The following PSD3 variants were observed in gnomAD, a reference collection of about 807,000 sequenced individuals.
PSD3 encodes the protein PH and SEC7 domain-containing protein 3.
A neutral mutation model predicts 105.5 loss-of-function variants in PSD3; 49 were observed. The ratio of observed to expected loss-of-function variants is 0.46; its 90% CI spans 0.37 to 0.59. PSD3 has a LOEUF of 0.59. Among genes scored for constraint, PSD3 ranks in the 20% least tolerant of loss-of-function variants. The probability of loss-of-function intolerance (pLI) is 0.00; values close to 1 mark genes in which losing one functional copy is unlikely to be tolerated. For missense variants in PSD3, 1,561 were observed against 1,263.8 expected (o/e 1.24, Z -3.57); for synonymous variants, 557 against 457.8 (o/e 1.22, Z -2.77).
chr8:18,542,343 A>T (rs1585203871), intron 15 of PSD3, among the ~76,000 whole-genome samples: 1 of 152,194 alleles, frequency 6.6e-6, no homozygotes, highest in East Asian at 1.9e-4. Flanking sequence ...GAGCTCATTT[A>T]CCTTTGGATA....
intron 15 of PSD3, among the ~76,000 whole-genome samples, chr8:18,539,181 G>A (rs954940161): frequency 2.7e-4 from 41 of 152,200 alleles, no homozygotes; most frequent in Non-Finnish European, 4.8e-4. Flanking sequence ...TTTTAGCCAA[G>A]TATCTCTAGG....
intron 2 of PSD3, among the ~76,000 whole-genome samples, chr8:18,919,885 G>A (rs1264185297): frequency 6.7e-6 from 1 of 150,168 alleles, no homozygotes; most frequent in Non-Finnish European, 1.5e-5. Context: ...AGCATTGGGA[G>A]ATATACCTAA....
intron 2 of PSD3, among the ~76,000 whole-genome samples, chr8:18,886,194 G>GA (rs895793080): frequency 1.2e-4 from 17 of 146,934 alleles, no homozygotes; most frequent in East Asian, 7.9e-4. Flanking sequence ...AGCTTGTGGG[G>GA]AAAAAAAAAA....
chr8:18,690,580 G>T (rs1366486366), intron 9 of PSD3, among the ~76,000 whole-genome samples: 2 of 152,132 alleles, frequency 1.3e-5, no homozygotes, highest in African/African-American at 2.4e-5. Context: ...AGATGGTCCA[G>T]CCACATGAGG....
chr8:19,029,251 A>G (rs1223417279), intron 1 of PSD3, among the ~76,000 whole-genome samples: 1 of 152,174 alleles, frequency 6.6e-6, no homozygotes, highest in Non-Finnish European at 1.5e-5. Flanking sequence ...GCTTGGAGGG[A>G]ATTGAAAATC....
chr8:19,030,136 A>G (rs1225762418), intron 1 of PSD3, among the ~76,000 whole-genome samples: 1 of 152,182 alleles, frequency 6.6e-6, no homozygotes, highest in Non-Finnish European at 1.5e-5. Context: ...GAGTTGAAGA[A>G]GTTCCTGTCC....
chr8:18,688,480 C>G (rs897075368), intron 9 of PSD3, among the ~76,000 whole-genome samples: 4 of 152,158 alleles, frequency 2.6e-5, no homozygotes, highest in African/African-American at 9.7e-5. Context: ...TTGTTAATAG[C>G]AGCATAGTAT....
intron 11 of PSD3, among the ~76,000 whole-genome samples, chr8:18,622,409 G>A (rs776573753): frequency 1.3e-5 from 2 of 152,022 alleles, no homozygotes; most frequent in African/African-American, 2.4e-5. Flanking sequence ...TGTCATAATA[G>A]GCTGTAAACA....
At chr8:18,581,803 G>A (rs1802835487) in intron 12 of PSD3, among the ~76,000 whole-genome samples, 1 of 152,144 alleles carries the variant, frequency 6.6e-6, no homozygotes, top group Non-Finnish European at 1.5e-5. Context: ...TTCTCACATA[G>A]CTCCCAACAT....
intron 1 of PSD3, among the ~76,000 whole-genome samples, chr8:19,058,813 G>A (rs959164550): frequency 2.6e-5 from 4 of 152,164 alleles, no homozygotes; most frequent in Non-Finnish European, 5.9e-5. Flanking sequence ...GAGCCATCAC[G>A]TGGAGCACCT....
intron 14 of PSD3, among the ~76,000 whole-genome samples, chr8:18,563,065 G>A (rs1414921133): frequency 6.6e-6 from 1 of 152,118 alleles, no homozygotes; most frequent in Admixed American, 6.6e-5. Context: ...CTTTGTGTGA[G>A]TTTTATCTCC....
chr8:19,035,572 G>A (rs1176687728), intron 1 of PSD3, among the ~76,000 whole-genome samples: 1 of 151,906 alleles, frequency 6.6e-6, no homozygotes, highest in Non-Finnish European at 1.5e-5. Context: ...TTTAAAGGCA[G>A]GTTCTTGTTA....
At chr8:18,649,872 A>C (rs1274511207) in intron 10 of PSD3, among the ~76,000 whole-genome samples, 1 of 151,978 alleles carries the variant, frequency 6.6e-6, no homozygotes, top group Non-Finnish European at 1.5e-5. Flanking sequence ...TGAAGTGCTG[A>C]CTCCCTCTTT....
chr8:18,780,134 T>A (rs1321488843), intron 8 of PSD3, among the ~76,000 whole-genome samples: 3 of 152,188 alleles, frequency 2.0e-5, no homozygotes, highest in Admixed American at 1.3e-4. Flanking sequence ...TTAGAATTGT[T>A]TAATCTTCTT....
intron 1 of PSD3, among the ~76,000 whole-genome samples, chr8:19,024,899 A>G (rs11991370): frequency 0.42 from 63,583 of 151,768 alleles, 13,910 homozygotes; most frequent in Middle Eastern, 0.6. Context: ...AGCTTTTATA[A>G]TAAACCAGTA....
intron 1 of PSD3, among the ~76,000 whole-genome samples, chr8:18,984,541 A>G (rs1036468634): frequency 6.6e-6 from 1 of 152,214 alleles, no homozygotes. Flanking sequence ...ATGCTCTCAA[A>G]AAATGTTATC....
chr8:18,958,919 G>A (rs1395807311), intron 1 of PSD3, among the ~76,000 whole-genome samples: 6 of 114,998 alleles, frequency 5.2e-5, no homozygotes, highest in African/African-American at 1.9e-4. Context: ...GTTAAGTGGT[G>A]TTTTTTTTTT....
intron 9 of PSD3, among the ~76,000 whole-genome samples, chr8:18,672,862 C>A (rs1585575776): frequency 6.6e-6 from 1 of 152,116 alleles, no homozygotes; most frequent in Admixed American, 6.6e-5. Flanking sequence ...CATTACCTGG[C>A]ATTTGTTAAA....
In PSD3 at chr8:18,615,467, G is replaced by A. The variant is rs974139589; in HGVS notation, c.2411-15033C>T. On this transcript the variant is annotated intron_variant, in intron 11 of 15. Coordinates refer to ENST00000327040, the MANE Select transcript of PSD3 (RefSeq NM_015310.4). Reference sequence around the variant, plus strand: ...TCACCATTGTTCCATCTGTAAGGGCGCACCCTTCTATATAGAAGTAACGTG... The same window carrying A: ...TCACCATTGTTCCATCTGTAAGGGCACACCCTTCTATATAGAAGTAACGTG... Among the ~76,000 whole-genome samples, 7 of 152,230 alleles carry A rather than the reference G, an allele frequency of 4.6e-5. No individual in the cohort carries two copies. In the East Asian group the frequency reaches 5.8e-4, roughly 13 times the overall value.
Sources: allele counts gnomAD v4.1 joint callset (sites outside exome capture counted in the v4.1 genomes callset), GRCh38; gene constraint gnomAD v4.1.1; transcripts MANE v1.5; gene names NCBI Gene and HGNC (gene_info 2026-07-23, HGNC 2026-07-21).